The following CACNA1B variants were observed in gnomAD, a reference collection of about 807,000 sequenced individuals.
CACNA1B encodes the protein calcium voltage-gated channel subunit alpha1 B.
Under a neutral mutation model 247.2 loss-of-function variants are expected in CACNA1B, and 70 were observed. The ratio of observed to expected loss-of-function variants is 0.28; its 90% CI spans 0.23 to 0.35. CACNA1B has a LOEUF of 0.35. CACNA1B is among the 10% of genes least tolerant of loss of function. The probability of loss-of-function intolerance (pLI) is 1.00; values close to 1 mark genes in which losing one functional copy is unlikely to be tolerated. For missense variants in CACNA1B, 2,367 were observed against 3,197.4 expected (o/e 0.74, Z 6.26); for synonymous variants, 1,231 against 1,294.4 (o/e 0.95, Z 1.05).
rs1348451802 is a variant in CACNA1B, at chr9:138,112,395, C to T, written c.5429-3C>T. ...CCCCTTCCCCACCATCATCCTGGTG[C>T]AGCTGGGACAAAGCAGCATCAGTGT... On this transcript the variant is annotated splice_polypyrimidine_tract_variant and splice_region_variant and intron_variant, in intron 39 of 46. Transcript: ENST00000371372. 1.2e-6 allele frequency: 2 copies of T among 1,608,136 alleles called. No homozygotes were observed. The highest frequency in any genetic ancestry group is 2.2e-5 in the East Asian group (1 of 44,858).
rs73669835 is a variant in CACNA1B at position 137,997,364 on chromosome 9, A to T, written c.1975-9403A>T. 2.1e-3 allele frequency among the ~76,000 whole-genome samples: 324 copies of T among 152,374 alleles called. 3 individuals are homozygous for T. The highest frequency in any genetic ancestry group is 7.5e-3 in the African/African-American group (311 of 41,584). The stretch of plus-strand genomic sequence containing the variant: ...ATAAAAATTGTCGGGATTGACAAGA[A>T]AGAAAACTGTCATTATTTACAGATG... On this transcript the variant is annotated intron_variant, in intron 15 of 46. Coordinates refer to ENST00000371372, the MANE Select transcript of CACNA1B (RefSeq NM_000718.4).
In CACNA1B at chr9:137,901,304, T is replaced by A. The variant is rs1179165365; in HGVS notation, c.531-11876T>A. Among the ~76,000 whole-genome samples the A allele has an allele frequency of 2.7e-5, 4 of 150,748 alleles. No homozygotes were observed. The East Asian group carries it at 7.9e-4, about 30-fold the overall frequency. ...TGTGTGTCCGTGTCTGTGCCATGTG[T>A]CCCATCCCTATGTCTGTGCCGTGTG... On this transcript the variant is annotated intron_variant, in intron 3 of 46. Transcript: ENST00000371372.
chr9:138,014,625 G>C lies in CACNA1B; in HGVS notation c.2267+1390G>C, dbSNP rs540112100. Among the ~76,000 whole-genome samples, 1 of 152,332 alleles carries C rather than the reference G, an allele frequency of 6.6e-6. No individual in the cohort carries two copies. Among genetic ancestry groups the C allele is most frequent in the Admixed American group, 6.5e-5 (1 of 15,308 alleles). On this transcript the variant is annotated intron_variant, in intron 18 of 46. Transcript: ENST00000371372. This position sits in a 1 kb window ranked among gnomAD's most constrained non-coding sequence, Gnocchi z 6.2. ...TCCAGGGGTTTGCTACCAGGGCTCT[G>C]TGAGCTCTGCAGGTGGGTGGTCTGC...
chr9:138,101,376 G>A (rs1026913112), intron 37 of CACNA1B, among the ~76,000 whole-genome samples: 1 of 152,192 alleles, frequency 6.6e-6, no homozygotes, highest in East Asian at 1.9e-4. Flanking sequence ...GACCCTTCTA[G>A]CTGGCTGGGG....
intron 41 of CACNA1B, among the ~76,000 whole-genome samples, 177 bp downstream of exon 41, chr9:138,114,667 C>T (rs1243064866): frequency 6.6e-6 from 1 of 152,156 alleles, no homozygotes; most frequent in African/African-American, 2.4e-5. Context: ...CTACACACAG[C>T]CTTTATGCTT....
At chr9:138,069,675 C>G in intron 31 of CACNA1B, 83 bp from the exon 32 acceptor site, 2 of 1,010,138 alleles carry the variant, frequency 2.0e-6, no homozygotes, top group Non-Finnish European at 3.1e-6. Context: ...ATGTCTCCGT[C>G]TGTATGTTGT....
At chr9:137,970,256 TG>T (rs1355778482) in intron 10 of CACNA1B, among the ~76,000 whole-genome samples, 1 of 151,962 alleles carries the variant, frequency 6.6e-6, no homozygotes, top group Non-Finnish European at 1.5e-5. Context: ...GACCCATGGC[TG>T]GGGCACAGCT....
chr9:137,952,427 G>A lies in CACNA1B; in HGVS notation c.1070+50G>A. 1 of 1,496,518 alleles carries A rather than the reference G, an allele frequency of 6.7e-7. No homozygotes were observed. The highest frequency in any genetic ancestry group is 9.3e-7 in the Non-Finnish European group (1 of 1,073,856). 92.7% of individuals were successfully genotyped at this position (1,496,518 alleles called of 1,614,324 possible). A position where few individuals can be genotyped will look rare whatever the true frequency, so the allele number is the denominator to read the frequency against. On this transcript the variant is annotated intron_variant, in intron 7 of 46. Transcript: ENST00000371372. This position sits in a 1 kb window ranked among gnomAD's most constrained non-coding sequence, Gnocchi z 4.8. Reference sequence around the variant, plus strand: ...CAGGTGCCCCTCTGTGTTCTCAGCTGAGGGGTCAACAGGGGCACGTGTGAC... The same window carrying A: ...CAGGTGCCCCTCTGTGTTCTCAGCTAAGGGGTCAACAGGGGCACGTGTGAC...
At chr9:137,892,332 T>C (rs757770218) in intron 3 of CACNA1B, 1 of 456,774 alleles carries the variant, frequency 2.2e-6, no homozygotes, top group South Asian at 1.5e-5. Context: ...GACTGCCTTC[T>C]TGTGGTGGGC....
rs75363651 is a variant in CACNA1B at position 138,062,925 on chromosome 9, C to T, written c.4668+3188C>T. On this transcript the variant is annotated intron_variant, in intron 31 of 46. Transcript: ENST00000371372. Reference sequence around the variant, plus strand: ...TCTCCAAAACGCAAAGCAGCCTACCCGCAGTAGAAGTGTGAGGTGCAATCA... The same window carrying T: ...TCTCCAAAACGCAAAGCAGCCTACCTGCAGTAGAAGTGTGAGGTGCAATCA... 6.0e-3 allele frequency among the ~76,000 whole-genome samples: 913 copies of T among 152,362 alleles called. 9 individuals are homozygous for T. The highest frequency in any genetic ancestry group is 0.021 in the African/African-American group (867 of 41,584).
chr9:138,004,555 A>G (rs927917174), intron 15 of CACNA1B, among the ~76,000 whole-genome samples: 9 of 152,000 alleles, frequency 5.9e-5, no homozygotes, highest in Non-Finnish European at 8.8e-5. Flanking sequence ...GTCTCAAAAA[A>G]AAAAAAAAAA....
rs1351678529 is a variant in CACNA1B, at chr9:138,056,998, C to T, written c.3969-734C>T. Among the ~76,000 whole-genome samples, 8 of 140,492 alleles carry T rather than the reference C, an allele frequency of 5.7e-5. No homozygotes were observed. In the South Asian group the frequency reaches 6.9e-4, roughly 12 times the overall value. The allele number at this position is 140,492 out of a possible 152,430, so 92.2% of individuals were successfully genotyped here. ...TTGCCCAGGCTGGAGTGCAGTGGCG[C>T]GATCTCGGCTCACTGCAGGCTCCAC... On this transcript the variant is annotated intron_variant, in intron 26 of 46. Transcript: ENST00000371372.
At chr9:137,906,853 T>A (rs1957305762) in intron 3 of CACNA1B, among the ~76,000 whole-genome samples, 2 of 152,252 alleles carry the variant, frequency 1.3e-5, no homozygotes, top group African/African-American at 4.8e-5. Context: ...CTAGTCTTAT[T>A]TAACATACGT....
At chr9:137,951,732 T>G (rs1957879666) in intron 6 of CACNA1B, among the ~76,000 whole-genome samples, 1 of 152,238 alleles carries the variant, frequency 6.6e-6, no homozygotes, top group Non-Finnish European at 1.5e-5. Flanking sequence ...AGATCATGCC[T>G]GAGTGCTGGG....
intron 3 of CACNA1B, among the ~76,000 whole-genome samples, chr9:137,896,236 C>A (rs1245769942): frequency 6.1e-5 from 7 of 113,838 alleles, no homozygotes; most frequent in African/African-American, 2.0e-4. Flanking sequence ...GAGACTCTGT[C>A]TCAAAAAAAA....
intron 39 of CACNA1B, among the ~76,000 whole-genome samples, chr9:138,106,015 A>G (rs1961412561): frequency 6.6e-6 from 1 of 152,032 alleles, no homozygotes; most frequent in African/African-American, 2.4e-5. Context: ...CAATGATCCC[A>G]TTTTCAGGTA....
Position 138,058,790 on chromosome 9 carries a change from C to CCTGAGG in CACNA1B, c.4473+63_4473+68dup. 2 of 1,489,512 alleles carry CCTGAGG rather than the reference C, an allele frequency of 1.3e-6. No homozygotes were observed. The highest frequency in any genetic ancestry group is 1.8e-6 in the Non-Finnish European group (2 of 1,092,782). The allele number at this position is 1,489,512 out of a possible 1,614,324, so 92.3% of individuals were successfully genotyped here. ...GCGCTGCTAGGGATTGGGATCTAAC[C>CCTGAGG]CTGAGGCTGAGTGGAGAGTCAGCCT... On this transcript the variant is annotated intron_variant, in intron 29 of 46. Coordinates refer to ENST00000371372, the MANE Select transcript of CACNA1B (RefSeq NM_000718.4). The surrounding 1 kb of genome is among the most constrained non-coding windows in gnomAD (Gnocchi z 4.7).
At chr9:138,036,082 G>A (rs570846927) in intron 20 of CACNA1B, among the ~76,000 whole-genome samples, 1 of 151,462 alleles carries the variant, frequency 6.6e-6, no homozygotes, top group South Asian at 2.1e-4. Flanking sequence ...TTATATTTCG[G>A]ATCATCCATT....
intron 16 of CACNA1B, among the ~76,000 whole-genome samples, chr9:138,009,124 G>A (rs1174711238): frequency 2.6e-5 from 4 of 152,230 alleles, no homozygotes; most frequent in South Asian, 2.1e-4. Flanking sequence ...GAAAAACACC[G>A]TGATGGGACA....
Sources: gnomAD v4.1 joint callset for allele counts (sites outside exome capture counted in the v4.1 genomes callset) on GRCh38, gnomAD v4.1.1 for gene constraint, Gnocchi (gnomAD v3.1) non-coding constraint, MANE v1.5 for transcripts, NCBI Gene and HGNC (gene_info 2026-07-23, HGNC 2026-07-21) for gene names.